TP63: variants seen among roughly 807,000 people sequenced by gnomAD.
The protein encoded by TP63 is tumor protein 63.
TP63 carries 17 observed loss-of-function variants against 82.8 expected under a neutral mutation model. That is an observed-to-expected ratio of 0.21 (90% CI 0.14 to 0.31). The LOEUF is 0.31. Ranked by LOEUF, TP63 falls within the 10% of genes least tolerant of loss-of-function variation. The probability of loss-of-function intolerance (pLI) is 1.00; values close to 1 mark genes in which losing one functional copy is unlikely to be tolerated. For missense variants in TP63, 648 were observed against 895.3 expected, an observed-to-expected ratio of 0.72 and a Z score of 3.52; for synonymous variants, 330 against 321.7, an observed-to-expected ratio of 1.03 and a Z score of -0.28.
At chr3:189,707,367 A>T (rs1465424541) in intron 1 of TP63, among the ~76,000 whole-genome samples, 1 of 152,148 alleles carries the variant, frequency 6.6e-6, no homozygotes, top group Non-Finnish European at 1.5e-5. Flanking sequence ...GTAATATTGT[A>T]CTATGTAGAT....
At chr3:189,695,803 G>C (rs961921307) in intron 1 of TP63, among the ~76,000 whole-genome samples, 2 of 152,082 alleles carry the variant, frequency 1.3e-5, no homozygotes, top group Non-Finnish European at 2.9e-5. Flanking sequence ...ATATATAGTG[G>C]TTTCAGAATT....
intron 3 of TP63, among the ~76,000 whole-genome samples, chr3:189,803,372 C>T (rs1726523570): frequency 1.3e-5 from 2 of 152,118 alleles, no homozygotes; most frequent in Non-Finnish European, 2.9e-5. Context: ...TAGGTAAATA[C>T]CTATTTCTAT....
chr3:189,855,823 CAT>C (rs79673120), intron 4 of TP63, among the ~76,000 whole-genome samples: 3 of 151,994 alleles, frequency 2.0e-5, no homozygotes, highest in East Asian at 1.9e-4. Context: ...TCTGTGTGCA[CAT>C]GTTTTGACAA....
At chr3:189,633,019 C>T (rs1729556014) in intron 1 of TP63, among the ~76,000 whole-genome samples, 1 of 152,040 alleles carries the variant, frequency 6.6e-6, no homozygotes, top group Non-Finnish European at 1.5e-5. Flanking sequence ...TTAGAAGAAA[C>T]TTCCTTCTAT....
At chr3:189,629,907 A>G (rs138456383), upstream of TP63, among the ~76,000 whole-genome samples, 430 of 152,312 alleles carry the variant, frequency 2.8e-3, no homozygotes, top group Non-Finnish European at 4.6e-3. Context: ...TAACAAATCT[A>G]TAATTAATTA....
intron 3 of TP63, among the ~76,000 whole-genome samples, chr3:189,783,457 A>G (rs1475788927): frequency 6.6e-6 from 1 of 151,964 alleles, no homozygotes; most frequent in Non-Finnish European, 1.5e-5. Flanking sequence ...TATATTTTCA[A>G]CAACATATTT....
the TP63 span, among the ~76,000 whole-genome samples, chr3:189,621,473 C>T: frequency 6.6e-6 from 1 of 151,676 alleles, no homozygotes; most frequent in Non-Finnish European, 1.5e-5. Flanking sequence ...CACATGCATA[C>T]TTATATACAT....
At position 189,894,294 on chromosome 3, in the gene TP63, C is replaced by T. The variant is rs2108873515; in HGVS notation, c.1835C>T (p.Ser612Phe). ...LDHRQLHEFSSPSHLLRTPSS... is the reference protein window; with the variant it reads ...LDHRQLHEFSFPSHLLRTPSS... The stretch of plus-strand genomic sequence containing the variant: ...CACCGGCAGCTCCACGAATTCTCCT[C>T]CCCTTCTCATCTCCTGCGGACCCCA... The change falls in exon 14 of 14, where the codon TCC becomes TTC. Residue 612 changes from serine to phenylalanine, a missense_variant. Around this residue, in one of 5 missense-constraint regions of TP63, gnomAD observed 342 missense variants for 425.7 expected, o/e 0.80. Coordinates refer to ENST00000264731, the MANE Select transcript of TP63 (RefSeq NM_003722.5). 6.2e-7 allele frequency: 1 copy of T among 1,614,110 alleles called. No homozygotes were observed. Among genetic ancestry groups the T allele is most frequent in the African/African-American group, 1.3e-5 (1 of 75,020 alleles).
chr3:189,653,764 G>A (rs1017145346), intron 1 of TP63, among the ~76,000 whole-genome samples: 2 of 152,178 alleles, frequency 1.3e-5, no homozygotes, highest in Admixed American at 1.3e-4. Flanking sequence ...GATTCAGTCA[G>A]TATTTAATTT....
chr3:189,691,338 CAAAA>C (rs781098833), intron 1 of TP63, among the ~76,000 whole-genome samples: 1 of 67,108 alleles, frequency 1.5e-5, no homozygotes, highest in African/African-American at 5.6e-5. Context: ...GACTCCATCT[CAAAA>C]AAAAAAAAAA....
chr3:189,807,359 T>A (rs1727027377), intron 3 of TP63, among the ~76,000 whole-genome samples: 1 of 152,258 alleles, frequency 6.6e-6, no homozygotes, highest in African/African-American at 2.4e-5. Flanking sequence ...TATAGTCAAG[T>A]TTTTTGTAGA....
intron 4 of TP63, among the ~76,000 whole-genome samples, chr3:189,812,681 A>C (rs1170410897): frequency 1.3e-5 from 2 of 152,196 alleles, no homozygotes; most frequent in Admixed American, 6.5e-5. Flanking sequence ...TTTCCTTATC[A>C]TGAGGATTAC....
At chr3:189,815,924 A>G (rs560427026) in intron 4 of TP63, among the ~76,000 whole-genome samples, 1 of 152,336 alleles carries the variant, frequency 6.6e-6, no homozygotes, top group South Asian at 2.1e-4. Flanking sequence ...GTTTTCTTAC[A>G]GCAAATGACC....
At chr3:189,643,575 C>G (rs1712125942) in intron 1 of TP63, among the ~76,000 whole-genome samples, 1 of 152,140 alleles carries the variant, frequency 6.6e-6, no homozygotes, top group South Asian at 2.1e-4. Context: ...CCTCCATGAA[C>G]TCTTGACACA....
At chr3:189,693,154 G>C (rs1184250605) in intron 1 of TP63, among the ~76,000 whole-genome samples, 1 of 152,154 alleles carries the variant, frequency 6.6e-6, no homozygotes, top group Non-Finnish European at 1.5e-5. Context: ...AATTGAAATA[G>C]ATAGGATGAC....
chr3:189,619,734 G>A, the TP63 span, among the ~76,000 whole-genome samples: 1 of 152,142 alleles, frequency 6.6e-6, no homozygotes, highest in African/African-American at 2.4e-5. Flanking sequence ...ACTGCCAAAA[G>A]CCCGAATCTG....
At chr3:189,780,791 G>T (rs1324031287) in intron 3 of TP63, among the ~76,000 whole-genome samples, 2 of 152,166 alleles carry the variant, frequency 1.3e-5, no homozygotes, top group East Asian at 3.9e-4. Context: ...AAACACTATG[G>T]TTTGTCATAC....
In TP63 at chr3:189,894,100, T is replaced by A. The variant is rs1004721250; in HGVS notation, c.1747-106T>A. The A allele has an allele frequency of 2.2e-6, 3 of 1,377,788 alleles. No individual in the cohort carries two copies. In the African/African-American group the frequency reaches 4.3e-5, roughly 20 times the overall value. The allele number at this position is 1,377,788 out of a possible 1,614,324, so 85.3% of individuals were successfully genotyped here. ...TTTTCTAATTTGTGGATCAATAGAT[T>A]CAGATCAATTAAACCAGAGCATCAG... On this transcript the variant is annotated intron_variant, in intron 13 of 13. Transcript: ENST00000264731.
the TP63 span, among the ~76,000 whole-genome samples, chr3:189,604,780 C>T: frequency 6.6e-6 from 1 of 152,130 alleles, no homozygotes; most frequent in South Asian, 2.1e-4. Flanking sequence ...TGGAAAACCA[C>T]CTTTACAGTT....
Sources: allele counts gnomAD v4.1 joint callset (sites outside exome capture counted in the v4.1 genomes callset), GRCh38; gene constraint gnomAD v4.1.1; regional missense constraint gnomAD v4.1.1; transcripts MANE v1.5; gene names NCBI Gene and HGNC (gene_info 2026-07-23, HGNC 2026-07-21).